The following COL9A1 variants were observed in gnomAD, a reference collection of about 807,000 sequenced individuals.
The protein encoded by COL9A1 is collagen type IX alpha 1 chain, also known as collagen alpha-1(IX) chain.
In COL9A1, 104 loss-of-function variants were observed where a neutral mutation model predicts 142.6. The ratio of observed to expected loss-of-function variants is 0.73; its 90% CI spans 0.62 to 0.86. The LOEUF (loss-of-function observed/expected upper bound fraction) is 0.86. Among genes scored for constraint, COL9A1 ranks in the 40% least tolerant of loss-of-function variants. The pLI is 0.00. For synonymous variants in COL9A1, 466 were observed against 396.0 expected (o/e 1.18, Z -2.10); for missense variants, 1,210 against 1,176.6 (o/e 1.03, Z -0.42).
chr6:70,241,959 C>A lies in COL9A1; in HGVS notation c.1998+5G>T. 1.9e-6 allele frequency: 3 copies of A among 1,588,986 alleles called. No individual in the cohort carries two copies. The highest frequency in any genetic ancestry group is 2.6e-6 in the Non-Finnish European group (3 of 1,165,662). ...AAGAACCTTCTGGAGTGCTGGAGCTCTTACCCTGTCACCTTTCATTCCAGG... is the reference window on the plus strand; with the variant it reads ...AAGAACCTTCTGGAGTGCTGGAGCTATTACCCTGTCACCTTTCATTCCAGG... On this transcript the variant is annotated splice_donor_5th_base_variant and intron_variant, in intron 30 of 37. Coordinates refer to ENST00000357250, the MANE Select transcript of COL9A1 (RefSeq NM_001851.6).
chr6:70,259,247 C>T (rs1456118164), intron 20 of COL9A1, among the ~76,000 whole-genome samples: 3 of 152,060 alleles, frequency 2.0e-5, no homozygotes, highest in African/African-American at 4.8e-5. Context: ...TGAGCATGTA[C>T]AACGTACAAC....
At chr6:70,280,415 G>T (rs563810675) in intron 10 of COL9A1, 3 of 1,195,182 alleles carry the variant, frequency 2.5e-6, no homozygotes, top group Non-Finnish European at 2.1e-6. Context: ...AAGGGCGAAG[G>T]CTAGCTTCCA....
intron 18 of COL9A1, among the ~76,000 whole-genome samples, chr6:70,264,554 T>C (rs368894050): frequency 1.3e-5 from 2 of 151,996 alleles, no homozygotes; most frequent in African/African-American, 4.8e-5. Flanking sequence ...TCTATTTCCC[T>C]ACAAAAATAT....
chr6:70,223,921 G>A (rs186002734), intron 37 of COL9A1, among the ~76,000 whole-genome samples: 1 of 152,286 alleles, frequency 6.6e-6, no homozygotes, highest in Admixed American at 6.5e-5. Context: ...AAGGATGGGA[G>A]ATAATCAGAG....
chr6:70,253,533 C>A, intron 25 of COL9A1, 104 bp from the exon 26 acceptor site: 1 of 809,122 alleles, frequency 1.2e-6, no homozygotes, highest in Non-Finnish European at 2.1e-6. Context: ...ATCATGATAA[C>A]CTCAAAGCTT....
chr6:70,284,210 T>G (rs1419337573), intron 5 of COL9A1, among the ~76,000 whole-genome samples: 1 of 152,082 alleles, frequency 6.6e-6, no homozygotes, highest in Non-Finnish European at 1.5e-5. Context: ...GAGTCTGGGT[T>G]GAAACCCAGG....
intron 28 of COL9A1, among the ~76,000 whole-genome samples, chr6:70,249,982 C>T (rs1055804451): frequency 6.6e-6 from 1 of 152,080 alleles, no homozygotes; most frequent in Admixed American, 6.6e-5. Context: ...CTAATACAGC[C>T]GGGTGAGGTG....
intron 10 of COL9A1, 117 bp from the exon 11 acceptor site, chr6:70,274,889 C>A (rs1772654778): frequency 2.6e-6 from 2 of 775,820 alleles, no homozygotes; most frequent in African/African-American, 1.8e-5. Flanking sequence ...AAGTATGATG[C>A]AAATATTTAT....
At chr6:70,283,872 G>C in intron 5 of COL9A1, 52 bp from the exon 6 acceptor site, 1 of 1,312,242 alleles carries the variant, frequency 7.6e-7, no homozygotes, top group Non-Finnish European at 1.1e-6. Context: ...GACTGAAGCT[G>C]GTCATTCAAG....
At chr6:70,253,111 T>G in intron 26 of COL9A1, 1 of 335,936 alleles carries the variant, frequency 3.0e-6, no homozygotes, top group Non-Finnish European at 5.8e-6. Context: ...TCTTCCTTAT[T>G]TTAGTAGTAA....
chr6:70,222,633 T>C (rs1046087439), intron 37 of COL9A1: 2 of 152,148 alleles, frequency 1.3e-5, no homozygotes, highest in African/African-American at 2.4e-5. Context: ...GAACTAAAAC[T>C]GTCCAGAAAG....
rs642635 is a variant in COL9A1, at chr6:70,232,957, T to G, written c.2315-186A>C. Among the ~76,000 whole-genome samples the G allele has an allele frequency of 0.3, 45,641 of 152,092 alleles. 7,193 individuals are homozygous for G. Among genetic ancestry groups the G allele is most frequent in the African/African-American group, 0.38 (15,780 of 41,474 alleles). On this transcript the variant is annotated intron_variant, in intron 35 of 37. Coordinates refer to ENST00000357250, the MANE Select transcript of COL9A1 (RefSeq NM_001851.6). ...TTCTGCCAGAAAGCTTCGCTGGTGC[T>G]GTTTGATGCAGCTCTCCCTGGATAT...
chr6:70,276,657 G>A (rs973930398), intron 10 of COL9A1, among the ~76,000 whole-genome samples: 1 of 152,138 alleles, frequency 6.6e-6, no homozygotes, highest in African/African-American at 2.4e-5. Flanking sequence ...TAAGCTCCAT[G>A]AGGACAAGAG....
chr6:70,283,370 C>T (rs986230394), intron 6 of COL9A1: 1 of 838,358 alleles, frequency 1.2e-6, no homozygotes, highest in Non-Finnish European at 1.8e-6. Context: ...CCCATCCACC[C>T]CAGTGCAGCT....
intron 36 of COL9A1, among the ~76,000 whole-genome samples, chr6:70,232,227 A>C (rs1769593670): frequency 6.6e-6 from 1 of 152,246 alleles, no homozygotes; most frequent in South Asian, 2.1e-4. Context: ...CTCAACAATG[A>C]CTTTAGGGTC....
chr6:70,285,817 T>C (rs1261029797), intron 5 of COL9A1, among the ~76,000 whole-genome samples: 3 of 152,196 alleles, frequency 2.0e-5, no homozygotes, highest in South Asian at 2.1e-4. Context: ...GAGAAATGAG[T>C]AGTGTGTGAA....
chr6:70,240,578 A>AATATATAT (rs57686729), intron 32 of COL9A1, 111 bp downstream of exon 32: 1 of 476,372 alleles, frequency 2.1e-6, no homozygotes. Context: ...AGAAAATAAG[A>AATATATAT]ATATATATAT....
chr6:70,302,507 C>T (rs560923799), intron 1 of COL9A1, among the ~76,000 whole-genome samples: 1 of 152,126 alleles, frequency 6.6e-6, no homozygotes, highest in Non-Finnish European at 1.5e-5. Context: ...CGCACCCAGC[C>T]TTCATTTTTA....
At position 70,268,836 on chromosome 6, in the gene COL9A1, G is replaced by C; in HGVS notation, c.1255C>G (p.Arg419Gly). Reference sequence around the variant, plus strand: ...CCTGGTAGGCCTGGATATCCTGAGCGACCTGGTGGACAGGCATTGGGACAC... The same window carrying C: ...CCTGGTAGGCCTGGATATCCTGAGCCACCTGGTGGACAGGCATTGGGACAC... The part of the protein sequence containing the change: ...PLCPNACPPG[R>G]SGYPGLPGMR... The change falls in exon 17 of 38, where the codon CGC becomes GGC. Residue 419 changes from arginine (R) to glycine (G), a missense_variant. Coordinates refer to ENST00000357250, the MANE Select transcript of COL9A1 (RefSeq NM_001851.6). The C allele has an allele frequency of 6.2e-7, 1 of 1,613,856 alleles. No individual in the cohort carries two copies. Among genetic ancestry groups the C allele is most frequent in the Non-Finnish European group, 8.5e-7 (1 of 1,179,850 alleles).
Sources: gnomAD v4.1 joint callset for allele counts (sites outside exome capture counted in the v4.1 genomes callset) on GRCh38, gnomAD v4.1.1 for gene constraint, MANE v1.5 for transcripts, NCBI Gene and HGNC (gene_info 2026-07-23, HGNC 2026-07-21) for gene names.